Variants in THSD7A observed in about 807,000 individuals in gnomAD.
THSD7A encodes the protein thrombospondin type-1 domain-containing protein 7A.
A neutral mutation model predicts 231.3 loss-of-function variants in THSD7A; 96 were observed. The ratio of observed to expected loss-of-function variants is 0.41; its 90% CI spans 0.35 to 0.49. The LOEUF (loss-of-function observed/expected upper bound fraction) is 0.49. THSD7A is among the 20% of genes least tolerant of loss of function. THSD7A has a pLI of 0.05. For synonymous variants in THSD7A, 940 were observed against 743.3 expected, an observed-to-expected ratio of 1.26 and a Z score of -4.30; for missense variants, 2,290 against 2,070.2, an observed-to-expected ratio of 1.11 and a Z score of -2.06.
chr7:11,765,063 T>C (rs1422442867), intron 1 of THSD7A, among the ~76,000 whole-genome samples: 1 of 151,726 alleles, frequency 6.6e-6, no homozygotes, highest in Non-Finnish European at 1.5e-5. Flanking sequence ...AATCTTTTTA[T>C]TAAAAGTGAT....
At chr7:11,676,968 G>C (rs1450518161) in intron 1 of THSD7A, among the ~76,000 whole-genome samples, 1 of 152,088 alleles carries the variant, frequency 6.6e-6, no homozygotes, top group Non-Finnish European at 1.5e-5. Flanking sequence ...ATAATCGTCA[G>C]ATTCACCAAG....
Position 11,376,575 on chromosome 7 carries a change from T to G in THSD7A, c.4884A>C (p.Leu1628=). 6.3e-7 allele frequency: 1 copy of G among 1,577,158 alleles called. No individual in the cohort carries two copies. The highest frequency in any genetic ancestry group is 8.6e-7 in the Non-Finnish European group (1 of 1,160,378). ...LLIFIVSMIY[L]ACKKPKKPQR... Reference sequence around the variant, plus strand: ...TTAATTATTTAAACACTCACCAAGCTAGATAAATCATGGAGACAATAAAGA... The same window carrying G: ...TTAATTATTTAAACACTCACCAAGCGAGATAAATCATGGAGACAATAAAGA... Residue 1628 remains leucine (L), a synonymous_variant, in exon 27 of 28, where the codon CTA becomes CTC. Coordinates refer to ENST00000423059, the MANE Select transcript of THSD7A (RefSeq NM_015204.3).
chr7:11,693,745 T>C (rs1000160018), intron 1 of THSD7A, among the ~76,000 whole-genome samples: 2 of 151,422 alleles, frequency 1.3e-5, no homozygotes, highest in South Asian at 4.1e-4. Context: ...AATGAGAAAA[T>C]ATTTGTGCAC....
intron 6 of THSD7A, among the ~76,000 whole-genome samples, chr7:11,507,771 A>G (rs993069942): frequency 2.0e-5 from 3 of 152,210 alleles, no homozygotes; most frequent in Admixed American, 2.0e-4. Context: ...GTAAGGCTTT[A>G]ATGTATTATT....
At position 11,471,945 on chromosome 7, in the gene THSD7A, A is replaced by C. The variant is rs373350440; in HGVS notation, c.2253-1951T>G. 2.6e-5 allele frequency among the ~76,000 whole-genome samples: 4 copies of C among 152,170 alleles called. 1 individual carries two copies. In the South Asian group the frequency reaches 8.3e-4, roughly 32 times the overall value. On this transcript the variant is annotated intron_variant, in intron 8 of 27. Coordinates refer to ENST00000423059, the MANE Select transcript of THSD7A (RefSeq NM_015204.3). ...CAATGAGAGAGCATTACTCAGTTGC[A>C]TGCTCCTCAGATATTAGCCCTGAAT...
Position 11,407,015 on chromosome 7 carries a change from T to C in THSD7A, c.3957A>G (p.Gln1319=). Residue 1319 remains glutamine, a synonymous_variant, in exon 21 of 28, where the codon CAA becomes CAG. Coordinates refer to ENST00000423059, the MANE Select transcript of THSD7A (RefSeq NM_015204.3). ...IRRRTVTQPF[Q]GDGRPCPSLM... is the part of the protein sequence containing the mutation. ...GGGAAGGGCATGGTCTTCCATCACCTTGAAAGGGCTGGGTCACTGTTCGTC... is the reference window on the plus strand; with the variant it reads ...GGGAAGGGCATGGTCTTCCATCACCCTGAAAGGGCTGGGTCACTGTTCGTC... The C allele has an allele frequency of 3.7e-6, 6 of 1,613,864 alleles. No homozygotes were observed. The highest frequency in any genetic ancestry group is 1.1e-5 in the South Asian group (1 of 91,056).
chr7:11,458,788 G>T (rs997567693), intron 11 of THSD7A, among the ~76,000 whole-genome samples: 16 of 152,134 alleles, frequency 1.1e-4, no homozygotes, highest in African/African-American at 3.4e-4. Flanking sequence ...AAATGCAAAG[G>T]TTGCTGGTAA....
At chr7:11,528,632 G>A (rs1788576216) in intron 6 of THSD7A, among the ~76,000 whole-genome samples, 1 of 152,088 alleles carries the variant, frequency 6.6e-6, no homozygotes, top group African/African-American at 2.4e-5. Flanking sequence ...ACATTTTAAT[G>A]AGCTAATTTA....
chr7:11,734,693 C>A (rs1195466839), intron 1 of THSD7A, among the ~76,000 whole-genome samples: 1 of 151,814 alleles, frequency 6.6e-6, no homozygotes, highest in Non-Finnish European at 1.5e-5. Context: ...ACATTATTTT[C>A]TTATTCAGAA....
chr7:11,483,869 T>C (rs1786534836), intron 6 of THSD7A, among the ~76,000 whole-genome samples: 1 of 152,200 alleles, frequency 6.6e-6, no homozygotes, highest in African/African-American at 2.4e-5. Flanking sequence ...ATATTTATTC[T>C]GTGGCAATGC....
chr7:11,687,437 C>G (rs1285025388), intron 1 of THSD7A, among the ~76,000 whole-genome samples: 1 of 151,852 alleles, frequency 6.6e-6, no homozygotes, highest in South Asian at 2.1e-4. Context: ...CACACACACA[C>G]TCACACGTGG....
At chr7:11,389,605 C>T (rs1158366005) in intron 23 of THSD7A, among the ~76,000 whole-genome samples, 1 of 151,860 alleles carries the variant, frequency 6.6e-6, no homozygotes, top group East Asian at 1.9e-4. Flanking sequence ...TAACTGGGGG[C>T]ATTTAGCCCA....
At chr7:11,653,861 C>T (rs967876762) in intron 1 of THSD7A, among the ~76,000 whole-genome samples, 31 of 151,960 alleles carry the variant, frequency 2.0e-4, no homozygotes, top group Non-Finnish European at 3.8e-4. Flanking sequence ...GTTTGCTTCT[C>T]ATAATGTTAC....
chr7:11,676,586 A>G (rs960592128), intron 1 of THSD7A, among the ~76,000 whole-genome samples: 8 of 152,156 alleles, frequency 5.3e-5, no homozygotes, highest in Non-Finnish European at 8.8e-5. Context: ...GACCTAAGAG[A>G]GATGAAAAAC....
At chr7:11,391,692 C>T (rs187273040) in intron 23 of THSD7A, among the ~76,000 whole-genome samples, 3 of 152,340 alleles carry the variant, frequency 2.0e-5, no homozygotes, top group African/African-American at 4.8e-5. Flanking sequence ...AGCTAGGTGT[C>T]TTCCCAAATT....
rs1451601835 is a variant in THSD7A, at chr7:11,371,956, AGT to A, written c.*3836_*3837del. ...GAAGTAGGTAAGAATAGCTGTCAAG[AGT>A]AGAAAGAGACCAAGCAGAGAAAATC... On this transcript the variant is annotated 3_prime_UTR_variant, in exon 28 of 28. Coordinates refer to ENST00000423059, the MANE Select transcript of THSD7A (RefSeq NM_015204.3). 2 of 151,732 alleles carry A rather than the reference AGT, an allele frequency of 1.3e-5. No homozygotes were observed. Among genetic ancestry groups the A allele is most frequent in the African/African-American group, 4.8e-5 (2 of 41,306 alleles). The allele number at this position is 151,732 out of a possible 1,614,324, so 9.4% of individuals were successfully genotyped here. A position where few individuals can be genotyped will look rare whatever the true frequency, so the allele number is the denominator to read the frequency against.
intron 17 of THSD7A, among the ~76,000 whole-genome samples, chr7:11,413,537 C>T (rs1263135464): frequency 3.3e-5 from 5 of 152,126 alleles, no homozygotes; most frequent in Admixed American, 2.6e-4. Context: ...TCTGATCTAA[C>T]CCACCTTCAT....
intron 8 of THSD7A, among the ~76,000 whole-genome samples, chr7:11,470,680 A>G (rs1057473234): frequency 2.6e-5 from 4 of 151,684 alleles, no homozygotes; most frequent in South Asian, 2.1e-4. Context: ...TTATGTTTTT[A>G]TAAACTACAA....
At chr7:11,500,347 G>C (rs1787279439) in intron 6 of THSD7A, among the ~76,000 whole-genome samples, 1 of 152,090 alleles carries the variant, frequency 6.6e-6, no homozygotes, top group African/African-American at 2.4e-5. Context: ...ACCACTACCA[G>C]CTAATACAAA....
Sources: allele counts gnomAD v4.1 joint callset (sites outside exome capture counted in the v4.1 genomes callset), GRCh38; gene constraint gnomAD v4.1.1; transcripts MANE v1.5; gene names NCBI Gene and HGNC (gene_info 2026-07-23, HGNC 2026-07-21).